Variants in CFAP251 observed in about 807,000 individuals in gnomAD.
CFAP251 encodes cilia- and flagella-associated protein 251.
In CFAP251, 93 loss-of-function variants were observed where a neutral mutation model predicts 126.7. That is an observed-to-expected ratio of 0.73 (90% CI 0.62 to 0.87). The LOEUF (loss-of-function observed/expected upper bound fraction) is 0.87, where lower values mean the gene tolerates loss of function less well. CFAP251 is among the 40% of genes least tolerant of loss of function. The pLI is 0.00. For missense variants in CFAP251, 1,287 were observed against 1,389.2 expected (o/e 0.93, Z 1.17); for synonymous variants, 503 against 506.9 (o/e 0.99, Z 0.10).
At chr12:121,955,654 T>C (rs1202594315) in intron 10 of CFAP251, 2 of 152,200 alleles carry the variant, frequency 1.3e-5, no homozygotes, top group Non-Finnish European at 1.5e-5. Context: ...GGCCATCTGC[T>C]TTCAAAATGC....
intron 5 of CFAP251, among the ~76,000 whole-genome samples, chr12:121,938,526 C>T (rs1036711699): frequency 6.7e-6 from 1 of 149,924 alleles, no homozygotes; most frequent in Non-Finnish European, 1.5e-5. Context: ...TACAGGGTTT[C>T]ACCATGTTAC....
chr12:121,999,775 C>T lies in CFAP251; in HGVS notation c.3066C>T (p.Ile1022=), dbSNP rs187982927. The T allele has an allele frequency of 1.7e-5, 27 of 1,613,722 alleles. No homozygotes were observed. The highest frequency in any genetic ancestry group is 1.6e-4 in the Middle Eastern group (1 of 6,062). Residue 1022 remains isoleucine (I), a synonymous_variant, in exon 20 of 22, where the codon ATC becomes ATT. Transcript: ENST00000288912. The part of the protein sequence containing the change: ...FGEYVDTGKL[I]DKINLPDFLK... ...AATATGTGGACACTGGAAAGCTAAT[C>T]GACAAGATCAACTTACCAGATTTCC... is the stretch of plus-strand genomic sequence containing the variant.
At chr12:121,978,624 T>A (rs536563140) in intron 19 of CFAP251, among the ~76,000 whole-genome samples, 2 of 152,162 alleles carry the variant, frequency 1.3e-5, no homozygotes, top group Admixed American at 1.3e-4. Flanking sequence ...GGTATATATA[T>A]GTATATACCT....
At chr12:121,931,256 A>G (rs899372177) in intron 3 of CFAP251, among the ~76,000 whole-genome samples, 12 of 151,966 alleles carry the variant, frequency 7.9e-5, no homozygotes, top group Non-Finnish European at 1.3e-4. Flanking sequence ...TATAATTAAC[A>G]TGCCATAAAA....
chr12:121,947,451 T>A (rs1425013015), intron 7 of CFAP251, among the ~76,000 whole-genome samples: 2 of 152,042 alleles, frequency 1.3e-5, no homozygotes, highest in Non-Finnish European at 2.9e-5. Context: ...TTTGGATGGG[T>A]CTTTTTTCTT....
In CFAP251 at chr12:121,968,039, C is replaced by A. The variant is rs375749841; in HGVS notation, c.2641C>A (p.Pro881Thr). ...TCAGATCTTACCAGTTGACGGCAAT[C>A]CACATAAGACATCTGCTATTGTTTG... is the stretch of plus-strand genomic sequence containing the variant. ...GLQILPVDGN[P>T]HKTSAIVCHP... Residue 881 changes from proline (P) to threonine (T), a missense_variant, in exon 17 of 22, where the codon CCA (proline) becomes ACA (threonine). Transcript: ENST00000288912. 1.2e-6 allele frequency: 2 copies of A among 1,611,838 alleles called. No individual in the cohort carries two copies. Among genetic ancestry groups the A allele is most frequent in the Non-Finnish European group, 1.7e-6 (2 of 1,178,170 alleles).
At position 121,931,833 on chromosome 12, in the gene CFAP251, G is replaced by A; in HGVS notation, c.835G>A (p.Ala279Thr). Residue 279 changes from alanine (A) to threonine (T), a missense_variant, in exon 4 of 22, where the codon GCT (alanine) becomes ACT (threonine). Transcript: ENST00000288912. ...GCAGAGAGTTCTTCTGTATGTTTGT[G>A]CTCACACTGCGATCATCTACAACGT... ...ERQRVLLYVC[A>T]HTAIIYNVFR... 1 of 1,605,376 alleles carries A rather than the reference G, an allele frequency of 6.2e-7. No homozygotes were observed. Among genetic ancestry groups the A allele is most frequent in the Non-Finnish European group, 8.5e-7 (1 of 1,176,472 alleles).
chr12:121,975,539 T>A lies in CFAP251; in HGVS notation c.2863-3T>A, dbSNP rs1263468759. Reference sequence around the variant, plus strand: ...GTTGTGTTTCCGTTGTATTCCTACATAGGAGCTAGAAGACTACTTCTACTA... The same window carrying A: ...GTTGTGTTTCCGTTGTATTCCTACAAAGGAGCTAGAAGACTACTTCTACTA... On this transcript the variant is annotated splice_polypyrimidine_tract_variant and splice_region_variant and intron_variant, in intron 18 of 21. Coordinates refer to ENST00000288912, the MANE Select transcript of CFAP251 (RefSeq NM_144668.6). The A allele has an allele frequency of 1.9e-6, 3 of 1,608,590 alleles. No individual in the cohort carries two copies. The highest frequency in any genetic ancestry group is 3.4e-5 in the Admixed American group (2 of 58,188).
chr12:121,991,659 C>T (rs1247116125), intron 19 of CFAP251, among the ~76,000 whole-genome samples: 2 of 152,040 alleles, frequency 1.3e-5, no homozygotes, highest in African/African-American at 2.4e-5. Context: ...TCAAATCATT[C>T]GAATGAGAAG....
intron 15 of CFAP251, among the ~76,000 whole-genome samples, chr12:121,962,708 AAAAAGG>A (rs569516559): frequency 2.7e-5 from 4 of 148,180 alleles, no homozygotes; most frequent in Admixed American, 6.7e-5. Flanking sequence ...AGAAAAAAAA[AAAAAGG>A]AAAAGGAAAA....
In CFAP251 at chr12:121,974,402, G is replaced by A. The variant is rs1425847077; in HGVS notation, c.2772-842G>A. On this transcript the variant is annotated intron_variant, in intron 17 of 21. Transcript: ENST00000288912. This position sits in a 1 kb window ranked among gnomAD's most constrained non-coding sequence, Gnocchi z 4.6. ...ATTAATTCTTACAACAATGCTGTGA[G>A]GCAGAATCGTCTCATTTTATAGTGG... is the stretch of plus-strand genomic sequence containing the variant. Among the ~76,000 whole-genome samples the A allele has an allele frequency of 6.6e-6, 1 of 152,186 alleles. No homozygotes were observed. Among genetic ancestry groups the A allele is most frequent in the East Asian group, 1.9e-4 (1 of 5,198 alleles).
At chr12:121,975,388 G>C in intron 18 of CFAP251, 54 bp downstream of exon 18, 12 of 1,584,752 alleles carry the variant, frequency 7.6e-6, no homozygotes, top group Non-Finnish European at 1.0e-5. Context: ...AGTTTGTAAA[G>C]CAAATGTGCC....
Position 122,003,263 on chromosome 12 carries a change from G to A in CFAP251, c.3338-389G>A, listed in dbSNP as rs558640271. Among the ~76,000 whole-genome samples, 145 of 152,214 alleles carry A rather than the reference G, an allele frequency of 9.5e-4. 1 individual carries two copies. Among genetic ancestry groups the A allele is most frequent in the Admixed American group, 9.5e-3 (145 of 15,284 alleles). On this transcript the variant is annotated intron_variant, in intron 21 of 21. Coordinates refer to ENST00000288912, the MANE Select transcript of CFAP251 (RefSeq NM_144668.6). The stretch of plus-strand genomic sequence containing the variant: ...TTAGTAGCATTTCCTTGTGTTTTTG[G>A]AAAATCCTCCTGAGTTAGAAACATA...
intron 19 of CFAP251, among the ~76,000 whole-genome samples, chr12:121,982,653 C>T (rs145639387): frequency 6.1e-4 from 93 of 152,276 alleles, no homozygotes; most frequent in African/African-American, 2.2e-3. Flanking sequence ...GCTGGGATTA[C>T]AGGTGTGAGC....
rs1449944585 is a variant in CFAP251, at chr12:121,989,068, C to G, written c.3007-10648C>G. On this transcript the variant is annotated intron_variant, in intron 19 of 21. Transcript: ENST00000288912. This position sits in a 1 kb window ranked among gnomAD's most constrained non-coding sequence, Gnocchi z 4.2. ...CTTCTTCACTTGAGCTAGGAACCAT[C>G]TGGGGCTTTAGGGTGCATGAGGCAG... 6.6e-6 allele frequency among the ~76,000 whole-genome samples: 1 copy of G among 152,154 alleles called. No homozygotes were observed. The highest frequency in any genetic ancestry group is 2.4e-5 in the African/African-American group (1 of 41,432).
At chr12:121,993,972 T>TG (rs1402737647) in intron 19 of CFAP251, among the ~76,000 whole-genome samples, 2 of 32,414 alleles carry the variant, frequency 6.2e-5, no homozygotes, top group Non-Finnish European at 8.7e-5. Context: ...GGGAGGGAGG[T>TG]GGGGGGGTCA....
chr12:121,921,853 T>A (rs1880195183), intron 2 of CFAP251, among the ~76,000 whole-genome samples, 170 bp downstream of exon 2: 1 of 146,140 alleles, frequency 6.8e-6, no homozygotes, highest in Admixed American at 7.0e-5. Flanking sequence ...AGGGGCACAA[T>A]CTCAGCCTGC....
chr12:121,932,598 T>A (rs1337366232), intron 4 of CFAP251: 1 of 152,428 alleles, frequency 6.6e-6, no homozygotes, highest in East Asian at 1.9e-4. Flanking sequence ...GTGTCTGACT[T>A]TCCACTCGTT....
intron 5 of CFAP251, 66 bp downstream of exon 5, chr12:121,934,422 G>A: frequency 8.0e-7 from 1 of 1,246,374 alleles, no homozygotes; most frequent in Non-Finnish European, 1.2e-6. Flanking sequence ...CTGTGTGACA[G>A]TGACAGAATG....
Sources: allele counts gnomAD v4.1 joint callset (sites outside exome capture counted in the v4.1 genomes callset), GRCh38; gene constraint gnomAD v4.1.1; non-coding constraint Gnocchi (gnomAD v3.1); transcripts MANE v1.5; gene names NCBI Gene and HGNC (gene_info 2026-07-23, HGNC 2026-07-21).